Variants in KLHL3 observed in about 807,000 individuals in gnomAD.
KLHL3 encodes kelch like family member 3.
Under a neutral mutation model 70.5 loss-of-function variants are expected in KLHL3, and 19 were observed. The ratio of observed to expected loss-of-function variants is 0.27; its 90% CI spans 0.19 to 0.40. The LOEUF (loss-of-function observed/expected upper bound fraction) is 0.40. KLHL3 is among the 10% of genes least tolerant of loss of function. The pLI, the probability that KLHL3 is intolerant of heterozygous loss-of-function variation, is 1.00. For synonymous variants in KLHL3, 258 were observed against 290.3 expected (o/e 0.89, Z 1.13); for missense variants, 512 against 771.1 (o/e 0.66, Z 3.98).
intron 7 of KLHL3, among the ~76,000 whole-genome samples, chr5:137,659,244 C>T (rs1164295450): frequency 6.6e-6 from 1 of 152,168 alleles, no homozygotes; most frequent in Non-Finnish European, 1.5e-5. Context: ...AAATTTCTGA[C>T]CCTGAAGAAT....
chr5:137,730,274 G>A (rs1753153157), intron 1 of KLHL3, among the ~76,000 whole-genome samples: 1 of 152,182 alleles, frequency 6.6e-6, no homozygotes, highest in African/African-American at 2.4e-5. Flanking sequence ...AGCCCATCAG[G>A]CCAAGTGAGG....
chr5:137,634,216 C>T, intron 11 of KLHL3, 51 bp from the exon 12 acceptor site: 1 of 1,548,642 alleles, frequency 6.5e-7, no homozygotes. Context: ...TGGCATGAAA[C>T]CAGAGCTCAG....
intron 5 of KLHL3, among the ~76,000 whole-genome samples, chr5:137,681,632 G>A (rs1444872944): frequency 1.3e-5 from 2 of 152,048 alleles, no homozygotes; most frequent in South Asian, 2.1e-4. Context: ...TGCATGTGCC[G>A]GGGGCATAGT....
chr5:137,626,846 A>C (rs905738564), intron 13 of KLHL3, among the ~76,000 whole-genome samples: 1 of 152,326 alleles, frequency 6.6e-6, no homozygotes. Context: ...TCTACAAAAA[A>C]TACAGAAATT....
chr5:137,694,704 T>G (rs1010521041), intron 4 of KLHL3, among the ~76,000 whole-genome samples: 1 of 152,206 alleles, frequency 6.6e-6, no homozygotes, highest in African/African-American at 2.4e-5. Flanking sequence ...TGACCAATCA[T>G]GCTGATTTAC....
chr5:137,633,130 A>G (rs1275191484), intron 12 of KLHL3, among the ~76,000 whole-genome samples: 1 of 151,792 alleles, frequency 6.6e-6, no homozygotes, highest in Non-Finnish European at 1.5e-5. Flanking sequence ...AATACAAAAA[A>G]TTTGCCGGGC....
chr5:137,647,574 C>G, intron 8 of KLHL3: 1 of 472,266 alleles, frequency 2.1e-6, no homozygotes, highest in Non-Finnish European at 4.4e-6. Context: ...GAAGGCAGGC[C>G]CAGCCAGTCG....
chr5:137,679,091 T>C (rs963253571), intron 5 of KLHL3, among the ~76,000 whole-genome samples: 2 of 150,216 alleles, frequency 1.3e-5, no homozygotes, highest in Admixed American at 6.7e-5. Flanking sequence ...GACTAGATAG[T>C]ACTATTTTTT....
At position 137,626,996 on chromosome 5, in the gene KLHL3, CA is replaced by C. The variant is rs150828371; in HGVS notation, c.1592-1101del. Among the ~76,000 whole-genome samples the C allele has an allele frequency of 9.2e-4, 133 of 145,234 alleles. 1 individual carries two copies. The highest frequency in any genetic ancestry group is 9.4e-4 in the African/African-American group (36 of 38,374). On this transcript the variant is annotated intron_variant, in intron 13 of 14. Transcript: ENST00000309755. ...AGCCTGAGAGAGCGAGATCCTGTCT[CA>C]AAAAAAAAAAAATCCATTTCTGGCC...
chr5:137,638,938 A>G lies in KLHL3; in HGVS notation c.1219+15T>C. Reference sequence around the variant, plus strand: ...TCCCAGGCTAGGAGGGGTTGGGAACACACCCTAAACCTACCAGTACTGCCA... The same window carrying G: ...TCCCAGGCTAGGAGGGGTTGGGAACGCACCCTAAACCTACCAGTACTGCCA... On this transcript the variant is annotated intron_variant, in intron 10 of 14. Coordinates refer to ENST00000309755, the MANE Select transcript of KLHL3 (RefSeq NM_017415.3). 6.2e-7 allele frequency: 1 copy of G among 1,610,804 alleles called. No individual in the cohort carries two copies.
chr5:137,673,415 CTGGCA>C (rs946655918), intron 6 of KLHL3, among the ~76,000 whole-genome samples: 1 of 152,070 alleles, frequency 6.6e-6, no homozygotes, highest in Admixed American at 6.6e-5. Flanking sequence ...TAATAGGGGT[CTGGCA>C]TGACATGAGG....
Position 137,638,980 on chromosome 5 carries a change from C to T in KLHL3, c.1192G>A (p.Ala398Thr), listed in dbSNP as rs758910665. The T allele has an allele frequency of 6.2e-6, 10 of 1,614,050 alleles. No homozygotes were observed. Among genetic ancestry groups the T allele is most frequent in the Admixed American group, 1.7e-5 (1 of 60,004 alleles). The change falls in exon 10 of 15, where the codon GCA (alanine) becomes ACA (threonine). Residue 398 changes from alanine (A) to threonine (T), a missense_variant. By Grantham distance (58) the Ala-to-Thr change is moderately conservative. Coordinates refer to ENST00000309755, the MANE Select transcript of KLHL3 (RefSeq NM_017415.3). ...GTACTGCCATCAAAGCCTCCCACTG[C>T]GTAGAGCAAGTCATTGAGCACCGCT... ...GAAVLNDLLY[A>T]VGGFDGSTGL...
At position 137,663,536 on chromosome 5, in the gene KLHL3, A is replaced by G. The variant is rs540362205; in HGVS notation, c.637-1505T>C. ...TATATTTAAAGTATGTTAATAATAA[A>G]TATACTTTAAATAATTATATAAGAT... On this transcript the variant is annotated intron_variant, in intron 6 of 14. Transcript: ENST00000309755. Among the ~76,000 whole-genome samples, 18 of 151,378 alleles carry G rather than the reference A, an allele frequency of 1.2e-4. No homozygotes were observed. The South Asian group carries it at 3.7e-3, about 31-fold the overall frequency.
chr5:137,731,429 C>A (rs1302349349), intron 1 of KLHL3, among the ~76,000 whole-genome samples: 1 of 152,218 alleles, frequency 6.6e-6, no homozygotes, highest in Non-Finnish European at 1.5e-5. Context: ...AACACTTGCT[C>A]TTCCCTGGGT....
intron 1 of KLHL3, among the ~76,000 whole-genome samples, chr5:137,730,641 G>T (rs1283207044): frequency 6.6e-6 from 1 of 152,172 alleles, no homozygotes; most frequent in Non-Finnish European, 1.5e-5. Flanking sequence ...TCTTAAGTGG[G>T]CTGTGTAAAA....
intron 5 of KLHL3, among the ~76,000 whole-genome samples, chr5:137,688,376 C>T (rs112222245): frequency 0.011 from 1,705 of 152,242 alleles, 33 homozygotes; most frequent in African/African-American, 0.039. Flanking sequence ...AGGGAACAGG[C>T]TCCATGTGTC....
chr5:137,687,249 G>A (rs1752205674), intron 5 of KLHL3, among the ~76,000 whole-genome samples: 1 of 29,414 alleles, frequency 3.4e-5, no homozygotes, highest in Admixed American at 2.8e-4. Flanking sequence ...AGGGAGGCGC[G>A]GGGGGGGGTC....
At chr5:137,622,252 A>G (rs1750331655) in intron 14 of KLHL3, 126 bp from the exon 15 acceptor site, 3 of 1,131,666 alleles carry the variant, frequency 2.7e-6, no homozygotes, top group Non-Finnish European at 3.9e-6. Context: ...TTTTATCCTA[A>G]TATTGAAGTG....
rs778433517 is a variant in KLHL3 at position 137,634,183 on chromosome 5, G to T, written c.1322-18C>A. The T allele has an allele frequency of 1.9e-6, 3 of 1,591,024 alleles. No individual in the cohort carries two copies. The Admixed American group carries it at 5.2e-5, about 27-fold the overall frequency. On this transcript the variant is annotated intron_variant, in intron 11 of 14. Coordinates refer to ENST00000309755, the MANE Select transcript of KLHL3 (RefSeq NM_017415.3). ...TAGCTTCCCTGCAATAGACAAAGTG[G>T]CTGAGTGTGGTGCCAGGGATACTGG... is the stretch of plus-strand genomic sequence containing the variant.
Sources: gnomAD v4.1 joint callset for allele counts (sites outside exome capture counted in the v4.1 genomes callset) on GRCh38, gnomAD v4.1.1 for gene constraint, MANE v1.5 for transcripts, NCBI Gene and HGNC (gene_info 2026-07-23, HGNC 2026-07-21) for gene names.